Variants in DDX46 observed in about 807,000 individuals in gnomAD.
The protein encoded by DDX46 is probable ATP-dependent RNA helicase DDX46.
A neutral mutation model predicts 134.9 loss-of-function variants in DDX46; 30 were observed. That is an observed-to-expected ratio of 0.22 (90% CI 0.17 to 0.30). The LOEUF is 0.30. DDX46 is among the 10% of genes least tolerant of loss of function. The pLI, the probability that DDX46 is intolerant of heterozygous loss-of-function variation, is 1.00. For missense variants in DDX46, 622 were observed against 1,248.7 expected, an observed-to-expected ratio of 0.50 and a Z score of 7.56; for synonymous variants, 415 against 404.1, an observed-to-expected ratio of 1.03 and a Z score of -0.32.
intron 3 of DDX46, among the ~76,000 whole-genome samples, chr5:134,770,328 T>A (rs1753722468): frequency 6.6e-6 from 1 of 151,980 alleles, no homozygotes; most frequent in African/African-American, 2.4e-5. Flanking sequence ...GTCTTGTTTC[T>A]GCCTCCTCAG....
Position 134,775,952 on chromosome 5 carries a change from T to C in DDX46, c.614-1622T>C, listed in dbSNP as rs552763396. Among the ~76,000 whole-genome samples the C allele has an allele frequency of 2.0e-5, 3 of 152,284 alleles. No homozygotes were observed. In the South Asian group the frequency reaches 6.2e-4, roughly 32 times the overall value. Reference sequence around the variant, plus strand: ...ACCCCCACACAGTGAAATATCCATATGTAACTTTTTACTCCCCAGAAACTA... The same window carrying C: ...ACCCCCACACAGTGAAATATCCATACGTAACTTTTTACTCCCCAGAAACTA... On this transcript the variant is annotated intron_variant, in intron 5 of 22. Coordinates refer to ENST00000452510, the MANE Select transcript of DDX46 (RefSeq NM_001300860.2).
intron 3 of DDX46, among the ~76,000 whole-genome samples, chr5:134,768,875 A>G (rs1022122419): frequency 4.6e-5 from 7 of 152,144 alleles, no homozygotes; most frequent in Non-Finnish European, 1.0e-4. Context: ...TCTGACCAAC[A>G]TGGTGAAACC....
chr5:134,768,335 C>T (rs1300268682), intron 3 of DDX46, among the ~76,000 whole-genome samples: 1 of 151,664 alleles, frequency 6.6e-6, no homozygotes, highest in Non-Finnish European at 1.5e-5. Flanking sequence ...TGGTCTCGAT[C>T]TCCTGATCTC....
chr5:134,799,141 C>T (rs1754752986), intron 15 of DDX46, among the ~76,000 whole-genome samples: 1 of 152,064 alleles, frequency 6.6e-6, no homozygotes, highest in African/African-American at 2.4e-5. Flanking sequence ...GAACCAATCC[C>T]CTGAGGATAC....
At chr5:134,821,977 C>T (rs371646042) in intron 21 of DDX46, among the ~76,000 whole-genome samples, 2 of 150,812 alleles carry the variant, frequency 1.3e-5, no homozygotes, top group South Asian at 4.2e-4. Context: ...ACTGCAACCT[C>T]CACCTCCCAG....
chr5:134,799,076 A>G (rs1318728828), intron 15 of DDX46, among the ~76,000 whole-genome samples: 2 of 152,142 alleles, frequency 1.3e-5, no homozygotes, highest in Non-Finnish European at 2.9e-5. Flanking sequence ...TTACTATGCC[A>G]TTTTATATAA....
rs769826165 is a variant in DDX46 at position 134,816,638 on chromosome 5, C to CT, written c.2613+36dup. The CT allele has an allele frequency of 7.7e-5, 122 of 1,591,442 alleles. No homozygotes were observed. In the Admixed American group the frequency reaches 2.1e-3, roughly 28 times the overall value. ...AATTTGTTCCAAGTCTCAGTCAATA[C>CT]TTTTAAGAAGTTCTTTGATTTTACT... On this transcript the variant is annotated intron_variant, in intron 19 of 22. Transcript: ENST00000452510.
intron 16 of DDX46, among the ~76,000 whole-genome samples, chr5:134,810,101 G>A (rs559724311): frequency 3.3e-5 from 5 of 152,134 alleles, no homozygotes; most frequent in Non-Finnish European, 7.4e-5. Flanking sequence ...TTGTGGAGAT[G>A]TGGTCTTGCC....
chr5:134,778,538 A>G (rs1754021827), intron 6 of DDX46, among the ~76,000 whole-genome samples: 1 of 152,080 alleles, frequency 6.6e-6, no homozygotes, highest in Non-Finnish European at 1.5e-5. Context: ...GTGATTGGAA[A>G]ATACCATTTA....
chr5:134,774,209 A>AT (rs1753864238), intron 5 of DDX46, among the ~76,000 whole-genome samples: 1 of 152,138 alleles, frequency 6.6e-6, no homozygotes, highest in Non-Finnish European at 1.5e-5. Context: ...ATCATAATAC[A>AT]TATTTGTCTT....
intron 15 of DDX46, among the ~76,000 whole-genome samples, chr5:134,796,739 G>A (rs1421523081): frequency 6.6e-6 from 1 of 151,866 alleles, no homozygotes; most frequent in Non-Finnish European, 1.5e-5. Flanking sequence ...TGTAATCCCA[G>A]CTACTTGGGA....
Position 134,758,780 on chromosome 5 carries a change from T to C in DDX46, c.-159T>C, listed in dbSNP as rs1800343478. ...TTCGGCTGCCGGCGCCAGCACGTCCTGTTTTCGTTGGCCGCGCTGGGATGG... is the reference window on the plus strand; with the variant it reads ...TTCGGCTGCCGGCGCCAGCACGTCCCGTTTTCGTTGGCCGCGCTGGGATGG... On this transcript the variant is annotated 5_prime_UTR_variant, in exon 1 of 23. Coordinates refer to ENST00000452510, the MANE Select transcript of DDX46 (RefSeq NM_001300860.2). The C allele has an allele frequency of 1.8e-6, 2 of 1,117,988 alleles. No individual in the cohort carries two copies. Among genetic ancestry groups the C allele is most frequent in the South Asian group, 2.7e-5 (2 of 75,344 alleles). The allele number at this position is 1,117,988 out of a possible 1,614,324, so 69.3% of individuals were successfully genotyped here.
At chr5:134,823,627 C>T (rs1294347543) in intron 21 of DDX46, among the ~76,000 whole-genome samples, 1 of 152,166 alleles carries the variant, frequency 6.6e-6, no homozygotes, top group Non-Finnish European at 1.5e-5. Context: ...AAATGGCATG[C>T]TTTTGTGTAT....
At chr5:134,808,410 T>C (rs1436906732) in intron 16 of DDX46, among the ~76,000 whole-genome samples, 1 of 152,194 alleles carries the variant, frequency 6.6e-6, no homozygotes, top group Non-Finnish European at 1.5e-5. Context: ...AAGTATTGAA[T>C]ATCTCATGTA....
intron 16 of DDX46, among the ~76,000 whole-genome samples, chr5:134,810,312 A>G (rs985485226): frequency 1.3e-5 from 2 of 151,682 alleles, no homozygotes; most frequent in African/African-American, 4.8e-5. Flanking sequence ...TGACCACACA[A>G]TTGTGCATTT....
intron 15 of DDX46, among the ~76,000 whole-genome samples, chr5:134,802,421 C>G (rs935371765): frequency 6.6e-6 from 1 of 151,714 alleles, no homozygotes; most frequent in Non-Finnish European, 1.5e-5. Context: ...CTCGGCCTCC[C>G]AAAGTGCTGA....
chr5:134,787,459 C>T (rs1170347761), intron 11 of DDX46, among the ~76,000 whole-genome samples: 2 of 152,176 alleles, frequency 1.3e-5, no homozygotes, highest in African/African-American at 4.8e-5. Flanking sequence ...AACTACAAAA[C>T]TGTTTCTTAG....
chr5:134,789,960 G>T, intron 12 of DDX46: 1 of 374,670 alleles, frequency 2.7e-6, no homozygotes, highest in Non-Finnish European at 5.4e-6. Context: ...CTCATTAAGG[G>T]TTTGACATGC....
chr5:134,786,581 A>G (rs958799331), intron 11 of DDX46, among the ~76,000 whole-genome samples: 23 of 152,122 alleles, frequency 1.5e-4, no homozygotes, highest in Admixed American at 1.4e-3. Context: ...ACGGTGGCTC[A>G]TGCCTGTAAT....
Sources: allele counts gnomAD v4.1 joint callset (sites outside exome capture counted in the v4.1 genomes callset), GRCh38; gene constraint gnomAD v4.1.1; transcripts MANE v1.5; gene names NCBI Gene and HGNC (gene_info 2026-07-23, HGNC 2026-07-21).